CRACD: variants seen among roughly 807,000 people sequenced by gnomAD.
CRACD encodes capping protein inhibiting regulator of actin dynamics.
Under a neutral mutation model 106.8 loss-of-function variants are expected in CRACD, and 56 were observed. The ratio of observed to expected loss-of-function variants is 0.52; its 90% confidence interval spans 0.42 to 0.66. The LOEUF is 0.66. Ranked by LOEUF, CRACD falls within the 30% of genes least tolerant of loss-of-function variation. The pLI is 0.00. For synonymous variants in CRACD, 754 were observed against 670.8 expected (o/e 1.12, Z -1.92); for missense variants, 1,730 against 1,623.2 (o/e 1.07, Z -1.13).
rs1746641192 is a variant in CRACD, at chr4:56,329,013, C to T, written c.*1209C>T. On this transcript the variant is annotated 3_prime_UTR_variant, in exon 11 of 11. Coordinates refer to ENST00000682029, the MANE Select transcript of CRACD (RefSeq NM_001393381.1). The stretch of plus-strand genomic sequence containing the variant: ...ATTGAGTAATTCATATTTAGAGTCA[C>T]ATGTCCAGTAGCATTTCTAATTTTG... Among the ~76,000 whole-genome samples, 1 of 152,180 alleles carries T rather than the reference C, an allele frequency of 6.6e-6. No individual in the cohort carries two copies. The highest frequency in any genetic ancestry group is 2.4e-5 in the African/African-American group (1 of 41,436).
intron 2 of CRACD, among the ~76,000 whole-genome samples, chr4:56,258,424 C>A (rs1268920477): frequency 6.6e-6 from 1 of 152,210 alleles, no homozygotes; most frequent in Non-Finnish European, 1.5e-5. Context: ...ATGTTCTCAG[C>A]ACCTCCTGAG....
chr4:56,089,107 T>C (rs1229596715), intron 1 of CRACD, among the ~76,000 whole-genome samples: 3 of 152,228 alleles, frequency 2.0e-5, no homozygotes, highest in Admixed American at 6.5e-5. Context: ...AATGAATTAA[T>C]ATTTAATATC....
At chr4:56,201,957 A>C (rs1737900638) in intron 2 of CRACD, among the ~76,000 whole-genome samples, 1 of 152,238 alleles carries the variant, frequency 6.6e-6, no homozygotes, top group East Asian at 1.9e-4. Flanking sequence ...GAAGTTGGAG[A>C]CAAGTTATTG....
intron 2 of CRACD, among the ~76,000 whole-genome samples, chr4:56,236,140 G>C (rs1463941309): frequency 6.6e-6 from 1 of 152,158 alleles, no homozygotes; most frequent in Non-Finnish European, 1.5e-5. Flanking sequence ...ATTAGGGTGG[G>C]CCCTAATCCA....
intron 1 of CRACD, among the ~76,000 whole-genome samples, chr4:56,141,682 ATTT>A (rs1171920777): frequency 5.8e-4 from 48 of 82,676 alleles, no homozygotes; most frequent in African/African-American, 2.3e-3. Flanking sequence ...AGGAAGTACT[ATTT>A]TTTTTTTTTT....
chr4:56,307,431 C>CCTCA (rs1310856098), intron 4 of CRACD, 104 bp from the exon 5 acceptor site: 1 of 1,066,598 alleles, frequency 9.4e-7, no homozygotes, highest in East Asian at 2.4e-5. Context: ...ATCAGTTGTG[C>CCTCA]ACAAGGTATG....
intron 2 of CRACD, among the ~76,000 whole-genome samples, chr4:56,269,910 C>G (rs1210566941): frequency 6.6e-6 from 1 of 152,226 alleles, no homozygotes; most frequent in African/African-American, 2.4e-5. Context: ...AACATCCAAA[C>G]TATATCACAC....
At chr4:56,326,981 C>A (rs191764866) in intron 10 of CRACD, among the ~76,000 whole-genome samples, 2 of 152,088 alleles carry the variant, frequency 1.3e-5, no homozygotes, top group Non-Finnish European at 2.9e-5. Flanking sequence ...CTCAAGTGAT[C>A]CTCCCTCCTT....
chr4:56,096,397 T>C (rs1459496063), intron 1 of CRACD, among the ~76,000 whole-genome samples: 1 of 152,072 alleles, frequency 6.6e-6, no homozygotes, highest in East Asian at 1.9e-4. Context: ...TTCTGGAGCC[T>C]AAAGATGGAA....
intron 1 of CRACD, among the ~76,000 whole-genome samples, chr4:56,139,902 G>A (rs534651866): frequency 1.3e-5 from 2 of 151,888 alleles, no homozygotes; most frequent in South Asian, 2.1e-4. Context: ...TTCAATACTT[G>A]CCTACCTGCA....
At chr4:56,255,573 G>A (rs1741309397) in intron 2 of CRACD, among the ~76,000 whole-genome samples, 1 of 152,098 alleles carries the variant, frequency 6.6e-6, no homozygotes, top group Non-Finnish European at 1.5e-5. Context: ...CATGACTCCT[G>A]GACCTGCTGA....
chr4:56,168,093 A>G (rs1404704158), intron 1 of CRACD, among the ~76,000 whole-genome samples: 2 of 152,100 alleles, frequency 1.3e-5, no homozygotes, highest in African/African-American at 4.8e-5. Context: ...TATGACCTCT[A>G]CTACAATGTT....
intron 1 of CRACD, among the ~76,000 whole-genome samples, chr4:56,153,515 C>A (rs990536315): frequency 3.9e-5 from 6 of 152,090 alleles, no homozygotes; most frequent in African/African-American, 1.4e-4. Flanking sequence ...CTTGGCTGAG[C>A]CCTCCTTCCT....
intron 2 of CRACD, among the ~76,000 whole-genome samples, chr4:56,264,680 T>G (rs1741899417): frequency 6.6e-6 from 1 of 152,188 alleles, no homozygotes; most frequent in Non-Finnish European, 1.5e-5. Flanking sequence ...ATTAAGAGAT[T>G]AAAGTAAAGA....
rs116301366 is a variant in CRACD at position 56,133,725 on chromosome 4, A to G, written c.-335-45559A>G. On this transcript the variant is annotated intron_variant, in intron 1 of 10. Transcript: ENST00000682029. ...AAGCTGAATTGGTTGAAACAAGGATATGATTTAGTTCTTTCCCGTAAGGAC... is the reference window on the plus strand; with the variant it reads ...AAGCTGAATTGGTTGAAACAAGGATGTGATTTAGTTCTTTCCCGTAAGGAC... Among the ~76,000 whole-genome samples, 914 of 152,356 alleles carry G rather than the reference A, an allele frequency of 6.0e-3. 2 individuals are homozygous for G. Among genetic ancestry groups the G allele is most frequent in the African/African-American group, 0.021 (874 of 41,578 alleles).
Position 56,329,206 on chromosome 4 carries a change from C to T in CRACD, c.*1402C>T, listed in dbSNP as rs937982336. Among the ~76,000 whole-genome samples the T allele has an allele frequency of 1.3e-5, 2 of 152,198 alleles. No homozygotes were observed. The highest frequency in any genetic ancestry group is 4.8e-5 in the African/African-American group (2 of 41,450). On this transcript the variant is annotated 3_prime_UTR_variant, in exon 11 of 11. Coordinates refer to ENST00000682029, the MANE Select transcript of CRACD (RefSeq NM_001393381.1). ...GACATACTGGCAAACTCACATATTG[C>T]TGGTGCTAACCTTATATTTCATAGT... is the stretch of plus-strand genomic sequence containing the variant.
chr4:56,101,490 C>G (rs925519573), intron 1 of CRACD, among the ~76,000 whole-genome samples: 1 of 152,118 alleles, frequency 6.6e-6, no homozygotes, highest in African/African-American at 2.4e-5. Context: ...TGGCCGGGTG[C>G]AGTGGCTCAC....
chr4:56,177,910 G>A (rs1736654940), intron 1 of CRACD, among the ~76,000 whole-genome samples: 1 of 151,796 alleles, frequency 6.6e-6, no homozygotes, highest in African/African-American at 2.4e-5. Context: ...TTGTTTCTTA[G>A]CTTAGGTAAA....
In CRACD at chr4:56,192,360, C is replaced by G. The variant is rs371916019; in HGVS notation, c.-189+12930C>G. Among the ~76,000 whole-genome samples the G allele has an allele frequency of 6.6e-5, 10 of 151,922 alleles. No homozygotes were observed. In the East Asian group the frequency reaches 1.9e-3, roughly 29 times the overall value. On this transcript the variant is annotated intron_variant, in intron 2 of 10. Coordinates refer to ENST00000682029, the MANE Select transcript of CRACD (RefSeq NM_001393381.1). ...TGAGCCAAGATCGTGCCAATGCACT[C>G]CAGCCTGAGTGGCGACAGAGCAAGA...
Sources: gnomAD v4.1 joint callset for allele counts (sites outside exome capture counted in the v4.1 genomes callset) on GRCh38, gnomAD v4.1.1 for gene constraint, MANE v1.5 for transcripts, NCBI Gene and HGNC (gene_info 2026-07-23, HGNC 2026-07-21) for gene names.